Variants in FOXN1 observed in about 807,000 individuals in gnomAD.
FOXN1 encodes forkhead box N1, also known as forkhead box protein N1.
Under a neutral mutation model 49.0 loss-of-function variants are expected in FOXN1, and 15 were observed. The ratio of observed to expected loss-of-function variants is 0.31; its 90% CI spans 0.20 to 0.47. The LOEUF is 0.47. Among genes scored for constraint, FOXN1 ranks in the 20% least tolerant of loss-of-function variants. The pLI is 1.00. For missense variants in FOXN1, 800 were observed against 842.8 expected (o/e 0.95, Z 0.63); for synonymous variants, 356 against 369.0 (o/e 0.96, Z 0.40).
intron 1 of FOXN1, among the ~76,000 whole-genome samples, chr17:28,518,076 T>C (rs2069566592): frequency 1.3e-5 from 2 of 150,734 alleles, no homozygotes; most frequent in Admixed American, 6.6e-5. Flanking sequence ...GATACACACC[T>C]CCACAGGATC....
At chr17:28,530,900 C>T in intron 6 of FOXN1, 55 bp downstream of exon 6, 3 of 980,006 alleles carry the variant, frequency 3.1e-6, no homozygotes, top group Non-Finnish European at 5.0e-6. Context: ...ACAGGCCAGG[C>T]CTCTCTGAGC....
intron 1 of FOXN1, among the ~76,000 whole-genome samples, chr17:28,520,187 C>T (rs1009665747): frequency 1.3e-5 from 2 of 152,200 alleles, no homozygotes; most frequent in Non-Finnish European, 2.9e-5. Flanking sequence ...GACTCCAGGT[C>T]GTCCAGCTTC....
Position 28,524,983 on chromosome 17 carries a change from C to A in FOXN1, c.588+16C>A. 4 of 1,569,172 alleles carry A rather than the reference C, an allele frequency of 2.5e-6. No individual in the cohort carries two copies. Among genetic ancestry groups the A allele is most frequent in the African/African-American group, 1.3e-5 (1 of 74,212 alleles). ...CCAAGTCCTGGTGAGTACTAGTGGC[C>A]AGCGAGTGTCCCATCTTCCCACTGT... On this transcript the variant is annotated intron_variant, in intron 3 of 8. Transcript: ENST00000579795.
chr17:28,535,050 G>T lies in FOXN1; in HGVS notation c.1479G>T (p.Leu493=). Residue 493 remains leucine, a synonymous_variant, in exon 8 of 9, where the codon CTG becomes CTT. Coordinates refer to ENST00000579795, the MANE Select transcript of FOXN1 (RefSeq NM_001369369.1). ...AQPGTPQDSP[L]PAHTPPSHSA... ...CAGGCACCCCCCAGGACTCGCCTCT[G>T]CCTGCCCACACCCCACCCAGCCACA... 6.2e-7 allele frequency: 1 copy of T among 1,611,722 alleles called. No homozygotes were observed. Among genetic ancestry groups the T allele is most frequent in the Non-Finnish European group, 8.5e-7 (1 of 1,178,484 alleles).
intron 1 of FOXN1, among the ~76,000 whole-genome samples, chr17:28,515,143 A>T (rs1168760373): frequency 1.3e-5 from 2 of 152,034 alleles, no homozygotes; most frequent in Non-Finnish European, 2.9e-5. Context: ...CTCCTTGAGG[A>T]TGTCCTCAGG....
intron 1 of FOXN1, among the ~76,000 whole-genome samples, chr17:28,520,785 G>T (rs1177667342): frequency 6.6e-6 from 1 of 152,234 alleles, no homozygotes; most frequent in African/African-American, 2.4e-5. Flanking sequence ...ACCCTCAGGA[G>T]GTGGTGCAGG....
chr17:28,514,814 G>T (rs2069462473), intron 1 of FOXN1, among the ~76,000 whole-genome samples: 1 of 152,152 alleles, frequency 6.6e-6, no homozygotes, highest in Non-Finnish European at 1.5e-5. Flanking sequence ...CCCCAGGCCT[G>T]TCTGTCCCTG....
chr17:28,534,787 G>A lies in FOXN1; in HGVS notation c.1216G>A (p.Gly406Ser), dbSNP rs772140783. Residue 406 changes from glycine (G) to serine (S), a missense_variant, in exon 8 of 9, where the codon GGC becomes AGC. This residue lies in a region of FOXN1 where 344 missense variants were observed against 366.1 expected (regional missense o/e 0.94). Transcript: ENST00000579795. The surrounding 1 kb of genome is among the most constrained non-coding windows in gnomAD (Gnocchi z 4.1). ...GGGCTGTCCGCCCCCTGGGCTGTCC[G>A]GCTCAGGCCCCATCCGGCCCCTGGC... ...LLGCPPPGLS[G>S]SGPIRPLAPP... 9.9e-6 allele frequency: 16 copies of A among 1,613,650 alleles called. No homozygotes were observed. The highest frequency in any genetic ancestry group is 4.5e-5 in the East Asian group (2 of 44,872).
chr17:28,524,621 A>G lies in FOXN1; in HGVS notation c.242A>G (p.His81Arg), dbSNP rs1301951988. The G allele has an allele frequency of 6.2e-7, 1 of 1,613,580 alleles. No homozygotes were observed. Among genetic ancestry groups the G allele is most frequent in the African/African-American group, 1.3e-5 (1 of 75,066 alleles). The change falls in exon 3 of 9, where the codon CAC (histidine) becomes CGC (arginine). Residue 81 changes from histidine (H) to arginine (R), a missense_variant. By Grantham distance (29) the His-to-Arg change is conservative. This residue lies in a region of FOXN1 where 383 missense variants were observed against 357.9 expected (regional missense o/e 1.07). Coordinates refer to ENST00000579795, the MANE Select transcript of FOXN1 (RefSeq NM_001369369.1). ...ASPGPEQVQGHCPAGPGPGPF... is the reference protein window; with the variant it reads ...ASPGPEQVQGRCPAGPGPGPF... The stretch of plus-strand genomic sequence containing the variant: ...CCAGGGCCCGAGCAAGTCCAGGGCC[A>G]CTGCCCAGCCGGCCCCGGCCCTGGG...
chr17:28,510,575 C>T (rs1309667766), intron 1 of FOXN1, among the ~76,000 whole-genome samples: 3 of 114,136 alleles, frequency 2.6e-5, no homozygotes, highest in African/African-American at 1.1e-4. Flanking sequence ...CACACGCACA[C>T]ACACGCACAC....
chr17:28,522,017 A>AT (rs1009243083), intron 1 of FOXN1, among the ~76,000 whole-genome samples: 2 of 152,148 alleles, frequency 1.3e-5, no homozygotes, highest in African/African-American at 2.4e-5. Context: ...AGCCTAGCCT[A>AT]CCCCAACTTT....
At chr17:28,529,838 A>G (rs1201975226) in intron 5 of FOXN1, among the ~76,000 whole-genome samples, 3 of 152,162 alleles carry the variant, frequency 2.0e-5, no homozygotes, top group Non-Finnish European at 2.9e-5. Context: ...AGAGGAACTT[A>G]AGCATCAGCC....
rs1332487119 is a variant in FOXN1, at chr17:28,534,258, TAG to T, written c.928-71_928-70del. The T allele has an allele frequency of 6.2e-7, 1 of 1,610,812 alleles. No individual in the cohort carries two copies. The highest frequency in any genetic ancestry group is 1.7e-5 in the Admixed American group (1 of 59,996). On this transcript the variant is annotated intron_variant, in intron 6 of 8. Transcript: ENST00000579795. This position sits in a 1 kb window ranked among gnomAD's most constrained non-coding sequence, Gnocchi z 4.1. ...GCCCAGAGGAGAAACAGGAGTGTTC[TAG>T]AACCCAGACCTGAAGCCCGCTCTGG... is the stretch of plus-strand genomic sequence containing the variant.
At chr17:28,527,459 A>G (rs2151490235) in intron 4 of FOXN1, 98 bp downstream of exon 4, 1 of 755,290 alleles carries the variant, frequency 1.3e-6, no homozygotes, top group East Asian at 2.7e-5. Flanking sequence ...TGTGTTCACC[A>G]GGATAGGCAG....
rs745398444 is a variant in FOXN1 at position 28,524,036 on chromosome 17, C to T, written c.67C>T (p.Arg23Cys). The T allele has an allele frequency of 3.2e-5, 51 of 1,611,976 alleles. No individual in the cohort carries two copies. Among genetic ancestry groups the T allele is most frequent in the Non-Finnish European group, 3.9e-5 (46 of 1,179,808 alleles). ...GGGCCCCACCAGACTGGAGGGCGAG[C>T]GCCAAGGGGACCTCATGCAGGCACC... is the stretch of plus-strand genomic sequence containing the variant. ...LPGPTRLEGE[R>C]QGDLMQAPGL... Residue 23 changes from arginine to cysteine, a missense_variant, in exon 2 of 9, where the codon CGC becomes TGC. Arg to Cys is a radical substitution (Grantham distance 180, BLOSUM62 -3). Around this residue, in one of 3 missense-constraint regions of FOXN1, gnomAD observed 383 missense variants for 357.9 expected, o/e 1.07. Coordinates refer to ENST00000579795, the MANE Select transcript of FOXN1 (RefSeq NM_001369369.1).
chr17:28,534,365 A>G lies in FOXN1; in HGVS notation c.962A>G (p.His321Arg), dbSNP rs1057524466. Residue 321 changes from histidine (H) to arginine (R), a missense_variant, in exon 7 of 9, where the codon CAC becomes CGC. Around this residue, in one of 3 missense-constraint regions of FOXN1, gnomAD observed 73 missense variants for 118.9 expected, o/e 0.61. Coordinates refer to ENST00000579795, the MANE Select transcript of FOXN1 (RefSeq NM_001369369.1). The surrounding 1 kb of genome is among the most constrained non-coding windows in gnomAD (Gnocchi z 4.1). ...APDGWKNSVRHNLSLNKCFEK... is the reference protein window; with the variant it reads ...APDGWKNSVRRNLSLNKCFEK... ...GATGGCTGGAAGAATTCTGTCCGGCACAACCTATCCCTCAACAAGTGCTTC... is the reference window on the plus strand; with the variant it reads ...GATGGCTGGAAGAATTCTGTCCGGCGCAACCTATCCCTCAACAAGTGCTTC... The G allele has an allele frequency of 6.2e-7, 1 of 1,614,188 alleles. No homozygotes were observed. The highest frequency in any genetic ancestry group is 8.5e-7 in the Non-Finnish European group (1 of 1,180,004).
chr17:28,513,953 G>T lies in FOXN1; in HGVS notation c.-15+7510G>T, dbSNP rs560552097. On this transcript the variant is annotated intron_variant, in intron 1 of 8. Transcript: ENST00000579795. ...GTTGGAGTCAGGCATCTGAAGCAAA[G>T]CTGGGACCCTCCCTGCAGAAGGGAT... Among the ~76,000 whole-genome samples, 201 of 152,384 alleles carry T rather than the reference G, an allele frequency of 1.3e-3. 2 individuals carry two copies. The highest frequency in any genetic ancestry group is 4.2e-3 in the African/African-American group (173 of 41,596).
intron 6 of FOXN1, among the ~76,000 whole-genome samples, chr17:28,531,939 C>T (rs1443843943): frequency 6.6e-6 from 1 of 152,080 alleles, no homozygotes; most frequent in Non-Finnish European, 1.5e-5. Context: ...GTTGATCCAC[C>T]AGAGGTTCTG....
chr17:28,534,192 C>T lies in FOXN1; in HGVS notation c.928-139C>T. On this transcript the variant is annotated intron_variant, in intron 6 of 8. Coordinates refer to ENST00000579795, the MANE Select transcript of FOXN1 (RefSeq NM_001369369.1). This position sits in a 1 kb window ranked among gnomAD's most constrained non-coding sequence, Gnocchi z 4.1. ...AAGGGTACCAAGCAAGGGATGGGTG[C>T]TGAGGAGGACAACAAGCCCCAGAGT... is the stretch of plus-strand genomic sequence containing the variant. The T allele has an allele frequency of 1.6e-6, 2 of 1,224,832 alleles. No individual in the cohort carries two copies. Among genetic ancestry groups the T allele is most frequent in the African/African-American group, 1.5e-5 (1 of 67,292 alleles). 75.9% of individuals were successfully genotyped at this position (1,224,832 alleles called of 1,614,324 possible).
Sources: allele counts gnomAD v4.1 joint callset (sites outside exome capture counted in the v4.1 genomes callset), GRCh38; gene constraint gnomAD v4.1.1; regional missense constraint gnomAD v4.1.1; non-coding constraint Gnocchi (gnomAD v3.1); transcripts MANE v1.5; gene names NCBI Gene and HGNC (gene_info 2026-07-23, HGNC 2026-07-21).